The following SPON2 variants were observed in gnomAD, a reference collection of about 807,000 sequenced individuals.
The protein encoded by SPON2 is spondin 2, also known as spondin-2.
In SPON2, 32 loss-of-function variants were observed where a neutral mutation model predicts 29.9. That is an observed-to-expected ratio of 1.07 (90% CI 0.81 to 1.44). The LOEUF (loss-of-function observed/expected upper bound fraction) is 1.44. Among genes scored for constraint, SPON2 ranks in the 40% most tolerant of loss-of-function variants. SPON2 has a pLI of 0.00. For missense variants in SPON2, 541 were observed against 455.5 expected (o/e 1.19, Z -1.71); for synonymous variants, 248 against 209.1 (o/e 1.19, Z -1.61).
At chr4:1,191,627 C>T (rs1289423064) in intron 1 of SPON2, among the ~76,000 whole-genome samples, 1 of 152,154 alleles carries the variant, frequency 6.6e-6, no homozygotes, top group African/African-American at 2.4e-5. Flanking sequence ...GATGATGGCG[C>T]CCCTCCTCTC....
chr4:1,169,621 C>T (rs1290060636), intron 5 of SPON2: 5 of 152,312 alleles, frequency 3.3e-5, no homozygotes, highest in African/African-American at 9.6e-5. Context: ...CCGTACCTGC[C>T]TCAACTCCAG....
intron 1 of SPON2, among the ~76,000 whole-genome samples, chr4:1,185,976 G>A (rs977413418): frequency 6.6e-6 from 1 of 151,710 alleles, no homozygotes; most frequent in African/African-American, 2.4e-5. Flanking sequence ...CGGGCGTGGT[G>A]GCTCACGCCT....
chr4:1,185,178 A>G (rs1383415345), intron 1 of SPON2, among the ~76,000 whole-genome samples: 3 of 151,346 alleles, frequency 2.0e-5, no homozygotes, highest in African/African-American at 4.8e-5. Flanking sequence ...GGTTCAAGCA[A>G]TTCTCCTTTA....
intron 1 of SPON2, among the ~76,000 whole-genome samples, chr4:1,193,317 T>C (rs1727952258): frequency 6.6e-6 from 1 of 152,070 alleles, no homozygotes. Context: ...TCCTGTCCCC[T>C]GCCCCACACA....
chr4:1,179,640 G>A (rs1013805261), intron 1 of SPON2: 1 of 152,178 alleles, frequency 6.6e-6, no homozygotes, highest in Non-Finnish European at 1.5e-5. Flanking sequence ...GATAAAATAG[G>A]CTGAATCTTG....
Position 1,171,446 on chromosome 4 carries a change from GTTCT to G in SPON2, c.257_260del (p.Lys86ThrfsTer20). ...CGCGCAGCCCGTTACTGACGTACTGGTTCTTCCTCCACATGCTGTAGTCGGAGCT... is the reference window on the plus strand; with the variant it reads ...CGCGCAGCCCGTTACTGACGTACTGGTCCTCCACATGCTGTAGTCGGAGCT... On this transcript the variant is annotated frameshift_variant, in exon 3 of 6. Coordinates refer to ENST00000290902, the MANE Select transcript of SPON2 (RefSeq NM_012445.4). LOFTEE classifies it high-confidence loss of function. 5 of 1,612,220 alleles carry G rather than the reference GTTCT, an allele frequency of 3.1e-6. No individual in the cohort carries two copies. Among genetic ancestry groups the G allele is most frequent in the Non-Finnish European group, 4.2e-6 (5 of 1,179,758 alleles).
intron 1 of SPON2, among the ~76,000 whole-genome samples, chr4:1,189,850 A>G (rs1727877092): frequency 1.3e-5 from 2 of 150,888 alleles, no homozygotes; most frequent in South Asian, 2.1e-4. Flanking sequence ...CTAGCCGGGC[A>G]TGGTGGCACC....
intron 1 of SPON2, among the ~76,000 whole-genome samples, chr4:1,193,269 G>A (rs1727951159): frequency 6.6e-6 from 1 of 152,098 alleles, no homozygotes; most frequent in South Asian, 2.1e-4. Flanking sequence ...GGCACTGGAG[G>A]GTGCAACGTC....
rs971339620 is a variant in SPON2 at position 1,167,110 on chromosome 4, G to A, written c.*362C>T. On this transcript the variant is annotated 3_prime_UTR_variant, in exon 6 of 6. Coordinates refer to ENST00000290902, the MANE Select transcript of SPON2 (RefSeq NM_012445.4). ...CCAGGTCTGAGGTATCTGCAACCAC[G>A]TGGGAGCCAGGCCCCTGGACGATGA... 118 of 199,466 alleles carry A rather than the reference G, an allele frequency of 5.9e-4. No individual in the cohort carries two copies. Among genetic ancestry groups the A allele is most frequent in the African/African-American group, 2.6e-3 (114 of 43,256 alleles). The allele number at this position is 199,466 out of a possible 1,614,324, so 12.4% of individuals were successfully genotyped here. A position where few individuals can be genotyped will look rare whatever the true frequency, so the allele number is the denominator to read the frequency against.
Position 1,171,143 on chromosome 4 carries a change from G to A in SPON2, c.492C>T (p.Gly164=), listed in dbSNP as rs762162495. ...RIVPSPDWFV[G]VDSLDLCDGD... ...CGTCGCACAGGTCCAGGCTGTCCAC[G>A]CCCACGAACCAGTCGGGGCTGGGCA... The change falls in exon 4 of 6, where the codon GGC becomes GGT. Residue 164 remains glycine (G), a synonymous_variant. Transcript: ENST00000290902. 3 of 1,553,708 alleles carry A rather than the reference G, an allele frequency of 1.9e-6. No individual in the cohort carries two copies. The highest frequency in any genetic ancestry group is 2.4e-5 in the East Asian group (1 of 41,302).
chr4:1,200,076 C>T (rs939298812), upstream of SPON2: 1 of 152,242 alleles, frequency 6.6e-6, no homozygotes. Context: ...GCAGCTTGGA[C>T]CCAGGCTCCA....
Position 1,202,353 on chromosome 4 carries a change from G to C in SPON2, c.-234+5527C>G, listed in dbSNP as rs998760923. On this transcript the variant is annotated intron_variant, in intron 1 of 3. Transcript: ENST00000509233. The surrounding 1 kb of genome is among the most constrained non-coding windows in gnomAD (Gnocchi z 5.4). The stretch of plus-strand genomic sequence containing the variant: ...CAGTCCCCACCTCCCGGCACTCCAC[G>C]GGGTCTAAGTTTCAGCCTGAGCTTT... Among the ~76,000 whole-genome samples the C allele has an allele frequency of 6.6e-6, 1 of 152,198 alleles. No individual in the cohort carries two copies. Among genetic ancestry groups the C allele is most frequent in the Non-Finnish European group, 1.5e-5 (1 of 68,038 alleles).
chr4:1,198,341 T>C (rs986463577), upstream of SPON2, among the ~76,000 whole-genome samples: 4 of 152,196 alleles, frequency 2.6e-5, no homozygotes, highest in African/African-American at 7.2e-5. Context: ...CAGGAGCAGA[T>C]GTCCGCAGCT....
chr4:1,176,778 A>G (rs1727609313), upstream of SPON2, among the ~76,000 whole-genome samples: 1 of 152,096 alleles, frequency 6.6e-6, no homozygotes, highest in African/African-American at 2.4e-5. Context: ...ACATTCATTC[A>G]ATCATCCATT....
At chr4:1,172,498 G>A in intron 1 of SPON2, 46 bp downstream of exon 1, 1 of 227,906 alleles carries the variant, frequency 4.4e-6, no homozygotes, top group Admixed American at 5.3e-5. Context: ...GAAAGTGCAG[G>A]AGGCCCGGGC....
chr4:1,198,232 G>A (rs937870799), upstream of SPON2, among the ~76,000 whole-genome samples: 1 of 152,186 alleles, frequency 6.6e-6, no homozygotes, highest in South Asian at 2.1e-4. Flanking sequence ...CCATGTTGTC[G>A]TGGGTGTAAA....
At chr4:1,204,430 T>C (rs1382323802) in intron 1 of SPON2, among the ~76,000 whole-genome samples, 4 of 152,188 alleles carry the variant, frequency 2.6e-5, no homozygotes, top group Non-Finnish European at 5.9e-5. Flanking sequence ...TTTGCACTGC[T>C]GATCTGAACA....
chr4:1,182,154 T>G lies in SPON2; in HGVS notation c.-238-2613A>C, dbSNP rs539492629. On this transcript the variant is annotated intron_variant, in intron 1 of 3. Transcript: ENST00000502483. The stretch of plus-strand genomic sequence containing the variant: ...GATTTTCAAAATTGTGATATTAGAT[T>G]CAAATGTCCGATTTTCAAGAAAAAG... Among the ~76,000 whole-genome samples the G allele has an allele frequency of 1.2e-4, 18 of 152,138 alleles. 1 individual carries two copies. In the South Asian group the frequency reaches 3.5e-3, roughly 30 times the overall value.
At chr4:1,200,966 C>T (rs760419760) in intron 1 of SPON2, 44 of 456,618 alleles carry the variant, frequency 9.6e-5, no homozygotes, top group East Asian at 1.4e-4. Context: ...CAGACCTGTA[C>T]GCCAGGGCCT....
Sources: gnomAD v4.1 joint callset for allele counts (sites outside exome capture counted in the v4.1 genomes callset) on GRCh38, gnomAD v4.1.1 for gene constraint, Gnocchi (gnomAD v3.1) non-coding constraint, MANE v1.5 for transcripts, NCBI Gene and HGNC (gene_info 2026-07-23, HGNC 2026-07-21) for gene names.